Variants in GP6 observed in about 807,000 individuals in gnomAD.
GP6 encodes platelet glycoprotein VI.
In GP6, 45 loss-of-function variants were observed where a neutral mutation model predicts 37.3. The ratio of observed to expected loss-of-function variants is 1.21; its 90% CI spans 0.95 to 1.55. The LOEUF is 1.55. Among genes scored for constraint, GP6 ranks in the 40% most tolerant of loss-of-function variants. The probability of loss-of-function intolerance (pLI) is 0.00; values close to 1 mark genes in which losing one functional copy is unlikely to be tolerated. For missense variants in GP6, 813 were observed against 760.2 expected, an observed-to-expected ratio of 1.07 and a Z score of -0.82; for synonymous variants, 340 against 316.4, an observed-to-expected ratio of 1.07 and a Z score of -0.79.
At chr19:55,015,607 T>A in intron 7 of GP6, 76 bp downstream of exon 7, 1 of 878,604 alleles carries the variant, frequency 1.1e-6, no homozygotes, top group Admixed American at 1.8e-5. Context: ...CTGCAGCCCC[T>A]GCGTAGACAA....
rs1625830 is a variant in GP6, at chr19:55,031,930, G to A, written c.325+209C>T. On this transcript the variant is annotated intron_variant, in intron 3 of 7. Transcript: ENST00000310373. ...GGAGGCTGCAGTGAGCCAAGATCGC[G>A]CCACTGCTCTCCACCCTGGGTGACG... Among the ~76,000 whole-genome samples, 710 of 152,266 alleles carry A rather than the reference G, an allele frequency of 4.7e-3. 8 individuals carry two copies. Among genetic ancestry groups the A allele is most frequent in the African/African-American group, 0.016 (675 of 41,546 alleles).
intron 5 of GP6, among the ~76,000 whole-genome samples, chr19:55,024,560 C>A (rs1291960125): frequency 6.6e-6 from 1 of 152,180 alleles, no homozygotes; most frequent in African/African-American, 2.4e-5. Context: ...GTATGATATT[C>A]TTAAAGTGCA....
chr19:55,024,316 G>A (rs1391258316), intron 5 of GP6, among the ~76,000 whole-genome samples: 3 of 140,112 alleles, frequency 2.1e-5, no homozygotes, highest in South Asian at 4.6e-4. Flanking sequence ...ACATATGCAC[G>A]CACACACACA....
intron 3 of GP6, among the ~76,000 whole-genome samples, chr19:55,031,782 G>A (rs1262261862): frequency 6.6e-6 from 1 of 151,962 alleles, no homozygotes; most frequent in Non-Finnish European, 1.5e-5. Context: ...TGCCTTTTGT[G>A]AAAACTGTCA....
chr19:55,024,562 T>TA (rs1245380803), intron 5 of GP6, among the ~76,000 whole-genome samples: 4 of 152,176 alleles, frequency 2.6e-5, no homozygotes, highest in Non-Finnish European at 5.9e-5. Context: ...ATGATATTCT[T>TA]AAAGTGCAGG....
At chr19:55,015,867 G>T in intron 6 of GP6, 134 bp from the exon 7 acceptor site, 1 of 709,738 alleles carries the variant, frequency 1.4e-6, no homozygotes, top group Non-Finnish European at 2.6e-6. Context: ...GCCGGGCACG[G>T]TGCCTCATGC....
Position 55,038,201 on chromosome 19 carries a change from A to C in GP6, c.34+2T>G. 2 of 1,590,936 alleles carry C rather than the reference A, an allele frequency of 1.3e-6. No homozygotes were observed. The highest frequency in any genetic ancestry group is 1.1e-5 in the South Asian group (1 of 87,598). Reference sequence around the variant, plus strand: ...TTCCCAGATCTGACCCTCAGGACTCACCAAGACAGAAGAGGGCGGTCGGGG... The same window carrying C: ...TTCCCAGATCTGACCCTCAGGACTCCCCAAGACAGAAGAGGGCGGTCGGGG... On this transcript the variant is annotated splice_donor_variant, in intron 1 of 7. Transcript: ENST00000310373. LOFTEE classifies it high-confidence loss of function.
In GP6 at chr19:55,032,138, C is replaced by T; in HGVS notation, c.325+1G>A. 1 of 1,613,608 alleles carries T rather than the reference C, an allele frequency of 6.2e-7. No individual in the cohort carries two copies. The highest frequency in any genetic ancestry group is 8.5e-7 in the Non-Finnish European group (1 of 1,179,864). The stretch of plus-strand genomic sequence containing the variant: ...CCAGGCTCCGATCCCCCTTCCTTTA[C>T]CCGTGGCAACGAGCTCCAGCTGGTC... On this transcript the variant is annotated splice_donor_variant, in intron 3 of 7. Coordinates refer to ENST00000310373, the MANE Select transcript of GP6 (RefSeq NM_001083899.2). LOFTEE classifies it high-confidence loss of function.
At chr19:55,029,427 G>C (rs1243876497) in intron 3 of GP6, among the ~76,000 whole-genome samples, 1 of 114,806 alleles carries the variant, frequency 8.7e-6, no homozygotes, top group Admixed American at 1.1e-4. Context: ...ATCTCACTCT[G>C]TTGCCCAGGC....
At chr19:55,031,695 T>C (rs142310627) in intron 3 of GP6, among the ~76,000 whole-genome samples, 8 of 152,328 alleles carry the variant, frequency 5.3e-5, no homozygotes, top group East Asian at 3.9e-4. Flanking sequence ...GGTGGAAGGA[T>C]AGCTTGAGCC....
chr19:55,024,307 CATAT>C (rs1568612872), intron 5 of GP6, among the ~76,000 whole-genome samples: 3 of 13,890 alleles, frequency 2.2e-4, no homozygotes, highest in African/African-American at 3.9e-4. Flanking sequence ...CATGCACACA[CATAT>C]GCACGCACAC....
chr19:55,033,882 C>G lies in GP6; in HGVS notation c.35-1344G>C, dbSNP rs116404639. Reference sequence around the variant, plus strand: ...GGTTTCCCGGTATTTACAACATTTGCTTGAATCAGTATTCCATGATTACAT... The same window carrying G: ...GGTTTCCCGGTATTTACAACATTTGGTTGAATCAGTATTCCATGATTACAT... On this transcript the variant is annotated intron_variant, in intron 1 of 7. Coordinates refer to ENST00000310373, the MANE Select transcript of GP6 (RefSeq NM_001083899.2). Among the ~76,000 whole-genome samples, 483 of 152,186 alleles carry G rather than the reference C, an allele frequency of 3.2e-3. 3 individuals carry two copies. Among genetic ancestry groups the G allele is most frequent in the African/African-American group, 0.011 (462 of 41,506 alleles).
Position 55,033,890 on chromosome 19 carries a change from A to G in GP6, c.35-1352T>C, listed in dbSNP as rs574382214. The stretch of plus-strand genomic sequence containing the variant: ...GGTATTTACAACATTTGCTTGAATC[A>G]GTATTCCATGATTACATGATAGGAT... On this transcript the variant is annotated intron_variant, in intron 1 of 7. Coordinates refer to ENST00000310373, the MANE Select transcript of GP6 (RefSeq NM_001083899.2). Among the ~76,000 whole-genome samples, 47 of 152,246 alleles carry G rather than the reference A, an allele frequency of 3.1e-4. 1 individual carries two copies. The highest frequency in any genetic ancestry group is 6.8e-3 in the Middle Eastern group (2 of 292).
rs1457015103 is a variant in GP6, at chr19:55,013,985, A to T, written c.*97T>A. ...AATATGAGAGGGGTGGAGACGGTGC[A>T]TTATCTTATTTTTATGATTTTAAAA... On this transcript the variant is annotated 3_prime_UTR_variant, in exon 8 of 8. Coordinates refer to ENST00000310373, the MANE Select transcript of GP6 (RefSeq NM_001083899.2). 4.4e-6 allele frequency: 2 copies of T among 459,432 alleles called. No homozygotes were observed. The highest frequency in any genetic ancestry group is 1.3e-4 in the East Asian group (2 of 15,790). The allele number at this position is 459,432 out of a possible 1,614,324, so 28.5% of individuals were successfully genotyped here. A position where few individuals can be genotyped will look rare whatever the true frequency, so the allele number is the denominator to read the frequency against.
intron 4 of GP6, among the ~76,000 whole-genome samples, chr19:55,026,510 C>CT (rs2074308264): frequency 6.6e-6 from 1 of 152,084 alleles, no homozygotes; most frequent in East Asian, 1.9e-4. Flanking sequence ...GAATTTCCTT[C>CT]TTTTTTAAGG....
In GP6 at chr19:55,014,616, A is replaced by G. The variant is rs775936716; in HGVS notation, c.1329T>C (p.Ser443=). The G allele has an allele frequency of 3.1e-6, 5 of 1,614,114 alleles. No individual in the cohort carries two copies. The highest frequency in any genetic ancestry group is 4.2e-6 in the Non-Finnish European group (5 of 1,179,996). The change falls in exon 8 of 8, where the codon TCT becomes TCC. Residue 443 remains serine (S), a synonymous_variant. Coordinates refer to ENST00000310373, the MANE Select transcript of GP6 (RefSeq NM_001083899.2). ...CTGGAGCCCATATTAGAGAGGTTGA[A>G]GAAAGAGGCCAGTATGTGGTCCAGC...
At chr19:55,025,185 G>T in intron 5 of GP6, 33 bp downstream of exon 5, 2 of 1,251,158 alleles carry the variant, frequency 1.6e-6, no homozygotes, top group Non-Finnish European at 2.3e-6. Context: ...TACCTCATAC[G>T]CTGTGCACCA....
At chr19:55,027,429 C>G in intron 4 of GP6, 149 bp downstream of exon 4, 2 of 594,340 alleles carry the variant, frequency 3.4e-6, no homozygotes, top group Admixed American at 3.0e-5. Context: ...GCTTCCTGCC[C>G]TCCCACTTCC....
chr19:55,033,199 TTCGTG>T (rs1248056079), intron 1 of GP6, among the ~76,000 whole-genome samples: 1 of 121,998 alleles, frequency 8.2e-6, no homozygotes, highest in Non-Finnish European at 1.8e-5. Context: ...GGTGGACTCC[TTCGTG>T]TTGTGTTAGA....
Sources: gnomAD v4.1 joint callset for allele counts (sites outside exome capture counted in the v4.1 genomes callset) on GRCh38, gnomAD v4.1.1 for gene constraint, MANE v1.5 for transcripts, NCBI Gene and HGNC (gene_info 2026-07-23, HGNC 2026-07-21) for gene names.